The following PPM1H variants were observed in gnomAD, a reference collection of about 807,000 sequenced individuals.
PPM1H encodes the protein protein phosphatase, Mg2+/Mn2+ dependent 1H, also known as protein phosphatase 1H.
A neutral mutation model predicts 54.9 loss-of-function variants in PPM1H; 27 were observed. The ratio of observed to expected loss-of-function variants is 0.49; its 90% CI spans 0.36 to 0.68. PPM1H has a LOEUF of 0.68. PPM1H is among the 30% of genes least tolerant of loss of function. The pLI is 0.00. For missense variants in PPM1H, 596 were observed against 667.8 expected (o/e 0.89, Z 1.19); for synonymous variants, 305 against 270.8 (o/e 1.13, Z -1.24).
intron 4 of PPM1H, among the ~76,000 whole-genome samples, chr12:62,776,732 C>G (rs988186148): frequency 3.3e-5 from 5 of 152,204 alleles, no homozygotes; most frequent in African/African-American, 1.2e-4. Context: ...AACCCTGGCT[C>G]ACTTCCAAGG....
At position 62,647,838 on chromosome 12, in the gene PPM1H, G is replaced by GTGT. The variant is rs1459002147; in HGVS notation, c.*648_*650dup. On this transcript the variant is annotated 3_prime_UTR_variant, in exon 10 of 10. Coordinates refer to ENST00000228705, the MANE Select transcript of PPM1H (RefSeq NM_020700.2). ...TTGGACACAGAACTTCCTTAGCAGG[G>GTGT]TGTTGGAAAGTCCCAGGCCTGTTCT... 2 of 150,730 alleles carry GTGT rather than the reference G, an allele frequency of 1.3e-5. No homozygotes were observed. The highest frequency in any genetic ancestry group is 4.9e-5 in the African/African-American group (2 of 40,858). The allele number at this position is 150,730 out of a possible 1,614,324, so 9.3% of individuals were successfully genotyped here. A position where few individuals can be genotyped will look rare whatever the true frequency, so the allele number is the denominator to read the frequency against.
At chr12:62,926,495 A>G (rs548921474) in intron 1 of PPM1H, among the ~76,000 whole-genome samples, 113 of 152,296 alleles carry the variant, frequency 7.4e-4, no homozygotes, top group South Asian at 4.6e-3. Flanking sequence ...CAAATATTAA[A>G]TTTTGCATTG....
In PPM1H at chr12:62,801,909, G is replaced by A; in HGVS notation, c.663C>T (p.Ser221=). 6.8e-6 allele frequency: 11 copies of A among 1,613,578 alleles called. No individual in the cohort carries two copies. The highest frequency in any genetic ancestry group is 9.3e-6 in the Non-Finnish European group (11 of 1,179,696). The change falls in exon 3 of 10, where the codon TCC becomes TCT. Residue 221 remains serine, a synonymous_variant. Transcript: ENST00000228705. ...AGAAGCGTGTGGGGGGCGTGCTGGG[G>A]GAGCCCGGGGCCCCCACCCCTCCGC... ...SLRGGVGAPG[S]PSTPPTRFFT... is the part of the protein sequence containing the mutation.
In PPM1H at chr12:62,673,715, CTTTTTTTTTTT is replaced by C. The variant is rs567775927; in HGVS notation, c.1246-6397_1246-6387del. Among the ~76,000 whole-genome samples, 256 of 41,974 alleles carry C rather than the reference CTTTTTTTTTTT, an allele frequency of 6.1e-3. 3 individuals carry two copies. The highest frequency in any genetic ancestry group is 0.014 in the African/African-American group (199 of 14,526). The allele number at this position is 41,974 out of a possible 152,430, so 27.5% of individuals were successfully genotyped here. A position where few individuals can be genotyped will look rare whatever the true frequency, so the allele number is the denominator to read the frequency against. ...GCTTTGTGACTTGAGAAGAGCCACT[CTTTTTTTTTTT>C]TTTTTTTTTTTTTTTTTGAGACAGG... On this transcript the variant is annotated intron_variant, in intron 8 of 9. Coordinates refer to ENST00000228705, the MANE Select transcript of PPM1H (RefSeq NM_020700.2).
At chr12:62,751,443 G>T (rs1474191965) in intron 4 of PPM1H, among the ~76,000 whole-genome samples, 1 of 152,224 alleles carries the variant, frequency 6.6e-6, no homozygotes, top group Non-Finnish European at 1.5e-5. Context: ...TTTAAAATGG[G>T]TTTATTCAGA....
chr12:62,768,745 G>C (rs1429750477), intron 4 of PPM1H, among the ~76,000 whole-genome samples: 1 of 152,086 alleles, frequency 6.6e-6, no homozygotes, highest in Non-Finnish European at 1.5e-5. Flanking sequence ...GAAGCCAAGG[G>C]GAAGGGAGCA....
chr12:62,689,874 G>C, intron 7 of PPM1H, 68 bp from the exon 8 acceptor site: 1 of 1,118,568 alleles, frequency 8.9e-7, no homozygotes, highest in Non-Finnish European at 1.3e-6. Flanking sequence ...CAGTGCAGCT[G>C]CCTGGGCTAG....
At chr12:62,884,501 CAAAAAAA>C (rs6144736) in intron 1 of PPM1H, among the ~76,000 whole-genome samples, 6 of 89,998 alleles carry the variant, frequency 6.7e-5, no homozygotes, top group African/African-American at 2.0e-4. Flanking sequence ...AACTCCATAT[CAAAAAAA>C]AAAAAAAAAA....
At position 62,873,346 on chromosome 12, in the gene PPM1H, G is replaced by C. The variant is rs574359700; in HGVS notation, c.246-41067C>G. On this transcript the variant is annotated intron_variant, in intron 1 of 9. Transcript: ENST00000228705. ...GTCTCCAAGCTTCTGTGCTAGCCTA[G>C]TTCCAGATCCTTCAGTTCCTGTTAC... is the stretch of plus-strand genomic sequence containing the variant. Among the ~76,000 whole-genome samples, 7 of 152,336 alleles carry C rather than the reference G, an allele frequency of 4.6e-5. No homozygotes were observed. In the South Asian group the frequency reaches 1.5e-3, roughly 32 times the overall value.
chr12:62,681,267 A>T (rs1266675617), intron 8 of PPM1H, among the ~76,000 whole-genome samples: 1 of 152,088 alleles, frequency 6.6e-6, no homozygotes, highest in Non-Finnish European at 1.5e-5. Context: ...CCTTTCACAT[A>T]GTCTGGAAAG....
At chr12:62,662,437 G>A (rs982471675) in intron 9 of PPM1H, among the ~76,000 whole-genome samples, 3 of 152,192 alleles carry the variant, frequency 2.0e-5, no homozygotes, top group Non-Finnish European at 2.9e-5. Flanking sequence ...AATTCGAGGA[G>A]GAGACAGATG....
rs1307161874 is a variant in PPM1H at position 62,722,619 on chromosome 12, T to C, written c.955-2330A>G. Reference sequence around the variant, plus strand: ...CAAGCAAAGTCTGAATCAGTAAACCTTGTTAAAAGAACTCACACACACAGA... The same window carrying C: ...CAAGCAAAGTCTGAATCAGTAAACCCTGTTAAAAGAACTCACACACACAGA... On this transcript the variant is annotated intron_variant, in intron 5 of 9. Transcript: ENST00000228705. Among the ~76,000 whole-genome samples the C allele has an allele frequency of 7.2e-5, 11 of 152,298 alleles. No individual in the cohort carries two copies. The East Asian group carries it at 2.1e-3, about 29-fold the overall frequency.
chr12:62,873,805 T>G (rs188997248), intron 1 of PPM1H, among the ~76,000 whole-genome samples: 1 of 152,314 alleles, frequency 6.6e-6, no homozygotes, highest in East Asian at 1.9e-4. Context: ...GGACAAAGTT[T>G]AAGGAGATAA....
chr12:62,856,231 C>T (rs367948279), intron 1 of PPM1H, among the ~76,000 whole-genome samples: 1 of 152,166 alleles, frequency 6.6e-6, no homozygotes. Context: ...TCTGTGAAAT[C>T]TAGCTTTCTT....
intron 4 of PPM1H, among the ~76,000 whole-genome samples, chr12:62,771,209 A>G (rs1178303383): frequency 6.6e-6 from 1 of 151,454 alleles, no homozygotes; most frequent in East Asian, 1.9e-4. Context: ...AAAAAAAAAA[A>G]TCACAAAATT....
intron 5 of PPM1H, among the ~76,000 whole-genome samples, chr12:62,725,878 A>G (rs1437818386): frequency 6.6e-6 from 1 of 152,160 alleles, no homozygotes; most frequent in Non-Finnish European, 1.5e-5. Flanking sequence ...AAATACTGTC[A>G]TAGTCACCCC....
chr12:62,825,766 G>A (rs1868283836), intron 2 of PPM1H, among the ~76,000 whole-genome samples: 1 of 152,062 alleles, frequency 6.6e-6, no homozygotes, highest in Non-Finnish European at 1.5e-5. Context: ...ATAGCATTAG[G>A]AGAAATACCT....
intron 1 of PPM1H, among the ~76,000 whole-genome samples, chr12:62,866,357 A>G (rs912117208): frequency 2.6e-5 from 4 of 152,154 alleles, no homozygotes; most frequent in Non-Finnish European, 5.9e-5. Context: ...CTTGACATCC[A>G]TCCCTTCAAA....
chr12:62,887,041 C>T (rs771375017), intron 1 of PPM1H, among the ~76,000 whole-genome samples: 1 of 151,962 alleles, frequency 6.6e-6, no homozygotes, highest in Non-Finnish European at 1.5e-5. Flanking sequence ...GAGAACTGGC[C>T]GAAGAATGAA....
Sources: allele counts gnomAD v4.1 joint callset (sites outside exome capture counted in the v4.1 genomes callset), GRCh38; gene constraint gnomAD v4.1.1; transcripts MANE v1.5; gene names NCBI Gene and HGNC (gene_info 2026-07-23, HGNC 2026-07-21).